The following EP400 variants were observed in gnomAD, a reference collection of about 807,000 sequenced individuals.
The protein encoded by EP400 is E1A-binding protein p400.
A neutral mutation model predicts 354.1 loss-of-function variants in EP400; 105 were observed. The observed-to-expected ratio is 0.30, with a 90% CI of 0.25 to 0.35. The LOEUF (loss-of-function observed/expected upper bound fraction) is 0.35. EP400 is among the 10% of genes least tolerant of loss of function. EP400 has a pLI of 1.00. For missense variants in EP400, 3,280 were observed against 4,121.0 expected, an observed-to-expected ratio of 0.80 and a Z score of 5.59; for synonymous variants, 1,646 against 1,716.9, an observed-to-expected ratio of 0.96 and a Z score of 1.02.
At chr12:131,957,009 T>G (rs1249418579) in intron 1 of EP400, among the ~76,000 whole-genome samples, 1 of 151,684 alleles carries the variant, frequency 6.6e-6, no homozygotes, top group Non-Finnish European at 1.5e-5. Context: ...GTAGCTGGGA[T>G]TACAGGCATG....
chr12:132,035,180 G>A (rs1318279375), intron 30 of EP400, among the ~76,000 whole-genome samples: 3 of 152,184 alleles, frequency 2.0e-5, no homozygotes, highest in East Asian at 3.8e-4. Context: ...CCAGTTTAAT[G>A]CACGATGAGA....
chr12:132,066,528 C>G (rs1437039726), intron 48 of EP400: 1 of 491,670 alleles, frequency 2.0e-6, no homozygotes, highest in Non-Finnish European at 3.5e-6. Context: ...TCACTGACAT[C>G]TGAACGCAGC....
chr12:132,064,521 C>A, intron 47 of EP400, 147 bp from the exon 48 acceptor site: 1 of 1,034,260 alleles, frequency 9.7e-7, no homozygotes. Flanking sequence ...CTGGGCAGCC[C>A]ATGGAAGGCG....
chr12:132,021,459 C>T, intron 23 of EP400, 138 bp downstream of exon 23: 2 of 1,264,834 alleles, frequency 1.6e-6, no homozygotes. Context: ...CTGCCTCTCA[C>T]CAGTGCAGCT....
rs760837331 is a variant in EP400, at chr12:131,960,706, G to A, written c.87G>A (p.Pro29=). Residue 29 remains proline, a synonymous_variant, in exon 2 of 53, where the codon CCG becomes CCA. Transcript: ENST00000389561. ...CTGGCAGCGAGGGTGAGGAGCAGCCGGCCCACCCCAACCCACCCCCGTCCC... is the reference window on the plus strand; with the variant it reads ...CTGGCAGCGAGGGTGAGGAGCAGCCAGCCCACCCCAACCCACCCCCGTCCC... The part of the protein sequence containing the change: ...ACPGSEGEEQ[P]AHPNPPPSPA... 6.4e-6 allele frequency: 10 copies of A among 1,552,158 alleles called. No homozygotes were observed. The East Asian group carries it at 9.5e-5, about 15-fold the overall frequency.
At position 132,064,722 on chromosome 12, in the gene EP400, C is replaced by G. The variant is rs1895831377; in HGVS notation, c.8389C>G (p.Pro2797Ala). Residue 2797 changes from proline to alanine, a missense_variant, in exon 48 of 53, where the codon CCG becomes GCG. Pro to Ala is a conservative substitution (Grantham distance 27). Coordinates refer to ENST00000389561, the MANE Select transcript of EP400 (RefSeq NM_015409.5). ...ACTGCAGATGCCCCCGCAGCCCCCA[C>G]CGCCACAGGCCCAGTCTGCGCCCCC... Reference protein sequence around the residue: ...QKLQMPPQPPPPQAQSAPPQP... With the variant: ...QKLQMPPQPPAPQAQSAPPQP... 2.5e-6 allele frequency: 4 copies of G among 1,613,742 alleles called. No individual in the cohort carries two copies. Among genetic ancestry groups the G allele is most frequent in the Non-Finnish European group, 3.4e-6 (4 of 1,179,890 alleles).
Position 132,050,443 on chromosome 12 carries a change from C to T in EP400, c.7321C>T (p.Pro2441Ser), listed in dbSNP as rs1228930557. Residue 2441 changes from proline to serine, a missense_variant, in exon 40 of 53, where the codon CCC becomes TCC. Transcript: ENST00000389561. This position sits in a 1 kb window ranked among gnomAD's most constrained non-coding sequence, Gnocchi z 4.8. ...GAAAATGACTGCTGGCAAGAGGAGT[C>T]CCCCAATCAAACCTCTGTATGTTTC... ...LMKMTAGKRS[P>S]PIKPLLGMNP... is the part of the protein sequence containing the mutation. The T allele has an allele frequency of 6.8e-6, 11 of 1,614,006 alleles. No homozygotes were observed. The highest frequency in any genetic ancestry group is 8.5e-6 in the Non-Finnish European group (10 of 1,180,040).
In EP400 at chr12:132,062,127, T is replaced by C. The variant is rs1895714412; in HGVS notation, c.7902T>C (p.Ala2634=). ...TTTTCTAGACGCCGGGAGGCTCTGC[T>C]CCCGCCCAGGTGGTGCACACCCAGC... The part of the protein sequence containing the change: ...PGALTTPGGS[A]PAQVVHTQPP... Residue 2634 remains alanine, a synonymous_variant, in exon 46 of 53, where the codon GCT becomes GCC. Transcript: ENST00000389561. 2 of 1,613,148 alleles carry C rather than the reference T, an allele frequency of 1.2e-6. No individual in the cohort carries two copies. The highest frequency in any genetic ancestry group is 1.7e-5 in the Admixed American group (1 of 59,978).
rs73164912 is a variant in EP400, at chr12:132,077,581, G to A, written c.9280G>A (p.Ala3094Thr). 208,587 of 1,613,638 alleles carry A rather than the reference G, an allele frequency of 0.13. 14,549 individuals are homozygous for A. Among genetic ancestry groups the A allele is most frequent in the Non-Finnish European group, 0.14 (170,173 of 1,179,850 alleles). The change falls in exon 53 of 53, where the codon GCC becomes ACC. Residue 3094 changes from alanine to threonine, a missense_variant. Physicochemically the swap from Ala to Thr is moderately conservative, Grantham distance 58. Coordinates refer to ENST00000389561, the MANE Select transcript of EP400 (RefSeq NM_015409.5). ...PGAPNPAQVP[A>T]SSDSPSQQPK... ...CGCTCCCAACCCAGCCCAGGTGCCC[G>A]CCAGCTCCGACAGCCCAAGCCAGCA...
At position 132,029,893 on chromosome 12, in the gene EP400, G is replaced by C; in HGVS notation, c.5574G>C (p.Gln1858His). Residue 1858 changes from glutamine (Q) to histidine (H), a missense_variant, in exon 28 of 53, where the codon CAG (glutamine) becomes CAC (histidine). Gln to His is a conservative substitution (Grantham distance 24). Coordinates refer to ENST00000389561, the MANE Select transcript of EP400 (RefSeq NM_015409.5). This position sits in a 1 kb window ranked among gnomAD's most constrained non-coding sequence, Gnocchi z 4.7. ...LLQFPELRLVQFDSGKLEALA... is the reference protein window; with the variant it reads ...LLQFPELRLVHFDSGKLEALA... ...AGTTCCCTGAGCTGAGGCTGGTGCA[G>C]TTCGACTCAGGTATGCGGCAGTTGG... 1 of 1,612,390 alleles carries C rather than the reference G, an allele frequency of 6.2e-7. No individual in the cohort carries two copies. The highest frequency in any genetic ancestry group is 8.5e-7 in the Non-Finnish European group (1 of 1,179,826).
chr12:132,031,412 ATT>A (rs1894488613), intron 29 of EP400: 1 of 518,384 alleles, frequency 1.9e-6, no homozygotes, highest in Non-Finnish European at 3.9e-6. Flanking sequence ...GGCTGATGTT[ATT>A]TAAACTGTGC....
chr12:131,956,350 T>TACA (rs1389462325), intron 1 of EP400, among the ~76,000 whole-genome samples: 1 of 152,224 alleles, frequency 6.6e-6, no homozygotes. Flanking sequence ...AACTTAGTGA[T>TACA]TGTGTTATGC....
intron 41 of EP400, chr12:132,051,071 A>G (rs1895271742): frequency 3.7e-6 from 1 of 268,080 alleles, no homozygotes; most frequent in Non-Finnish European, 7.2e-6. Context: ...AGAGGAATGA[A>G]TGAATGGATG....
intron 12 of EP400, among the ~76,000 whole-genome samples, chr12:131,999,574 G>A (rs1354660744): frequency 3.3e-5 from 5 of 152,002 alleles, no homozygotes; most frequent in Admixed American, 2.6e-4. Flanking sequence ...GAGTAGCTGG[G>A]ATTATAGGCA....
chr12:132,041,622 A>G (rs1239550203), intron 32 of EP400, among the ~76,000 whole-genome samples: 1 of 152,138 alleles, frequency 6.6e-6, no homozygotes, highest in Non-Finnish European at 1.5e-5. Flanking sequence ...TCCTGTGGAT[A>G]TTTGTATCCT....
intron 39 of EP400, among the ~76,000 whole-genome samples, chr12:132,047,820 CTG>C (rs1478138021): frequency 1.3e-5 from 2 of 152,210 alleles, no homozygotes; most frequent in African/African-American, 2.4e-5. Flanking sequence ...CTACAGGAGA[CTG>C]GGGCTTATTT....
rs768715653 is a variant in EP400, at chr12:132,020,230, G to T, written c.4447+12G>T. On this transcript the variant is annotated intron_variant, in intron 22 of 52. Transcript: ENST00000389561. ...TCCGGAGGCAAAAGGTAGACTTCAC[G>T]TAGTTGTCTGCTCTCCGCCTTATGG... is the stretch of plus-strand genomic sequence containing the variant. The T allele has an allele frequency of 6.3e-7, 1 of 1,591,606 alleles. No individual in the cohort carries two copies. Among genetic ancestry groups the T allele is most frequent in the Non-Finnish European group, 8.6e-7 (1 of 1,168,242 alleles).
chr12:132,014,351 C>T (rs1893856560), intron 19 of EP400, among the ~76,000 whole-genome samples: 1 of 152,178 alleles, frequency 6.6e-6, no homozygotes, highest in Non-Finnish European at 1.5e-5. Context: ...TCGTGCGTTG[C>T]ATGGGGTGGA....
chr12:132,034,349 C>T (rs1242373128), intron 30 of EP400, among the ~76,000 whole-genome samples: 2 of 152,216 alleles, frequency 1.3e-5, no homozygotes, highest in African/African-American at 4.8e-5. Context: ...TGTGAAGACA[C>T]ACTTTGTTCT....
Sources: allele counts gnomAD v4.1 joint callset (sites outside exome capture counted in the v4.1 genomes callset), GRCh38; gene constraint gnomAD v4.1.1; non-coding constraint Gnocchi (gnomAD v3.1); transcripts MANE v1.5; gene names NCBI Gene and HGNC (gene_info 2026-07-23, HGNC 2026-07-21).